RALYL: variants seen among roughly 807,000 people sequenced by gnomAD.
RALYL encodes the protein RALY RNA binding protein like.
RALYL carries 29 observed loss-of-function variants against 35.1 expected under a neutral mutation model. The ratio of observed to expected loss-of-function variants is 0.83; its 90% CI spans 0.61 to 1.13. RALYL has a LOEUF of 1.13. RALYL is among the 50% of genes most tolerant of loss of function. The probability of loss-of-function intolerance (pLI) is 0.00; values close to 1 mark genes in which losing one functional copy is unlikely to be tolerated. For synonymous variants in RALYL, 120 were observed against 127.6 expected (o/e 0.94, Z 0.40); for missense variants, 359 against 360.4 (o/e 1.00, Z 0.03).
intron 4 of RALYL, among the ~76,000 whole-genome samples, chr8:84,809,320 C>T (rs972369406): frequency 6.6e-6 from 1 of 152,078 alleles, no homozygotes; most frequent in Non-Finnish European, 1.5e-5. Context: ...CCCTGCATCC[C>T]TGGTATGAAA....
At chr8:84,915,609 T>C (rs1848344434) in intron 8 of RALYL, among the ~76,000 whole-genome samples, 1 of 152,090 alleles carries the variant, frequency 6.6e-6, no homozygotes, top group Non-Finnish European at 1.5e-5. Context: ...CACAGCTACA[T>C]ATTCATTGGC....
At chr8:84,516,687 C>G (rs1332608571) in intron 1 of RALYL, among the ~76,000 whole-genome samples, 1 of 152,050 alleles carries the variant, frequency 6.6e-6, no homozygotes. Context: ...GGTGAACATC[C>G]CTGGTTATCA....
intron 1 of RALYL, among the ~76,000 whole-genome samples, chr8:84,416,343 C>A (rs1485542212): frequency 6.6e-6 from 1 of 152,060 alleles, no homozygotes; most frequent in Non-Finnish European, 1.5e-5. Flanking sequence ...TGCAATAATC[C>A]AGGGATCTAA....
At chr8:84,212,569 A>G (rs1017071635) in intron 1 of RALYL, among the ~76,000 whole-genome samples, 11 of 152,180 alleles carry the variant, frequency 7.2e-5, no homozygotes, top group Non-Finnish European at 1.0e-4. Context: ...GCTTCATCTA[A>G]ATTTTGATGA....
chr8:84,684,225 A>G (rs1316018545), intron 2 of RALYL, among the ~76,000 whole-genome samples: 2 of 152,220 alleles, frequency 1.3e-5, no homozygotes, highest in Admixed American at 6.5e-5. Context: ...CTTCAACATT[A>G]TAAAATAATA....
chr8:84,318,162 G>A (rs1586234193), intron 1 of RALYL, among the ~76,000 whole-genome samples: 1 of 152,192 alleles, frequency 6.6e-6, no homozygotes, highest in South Asian at 2.1e-4. Flanking sequence ...GACGTATTAA[G>A]AACTTCAGCG....
At chr8:84,604,461 C>T (rs1816674764) in intron 2 of RALYL, among the ~76,000 whole-genome samples, 1 of 152,152 alleles carries the variant, frequency 6.6e-6, no homozygotes, top group Non-Finnish European at 1.5e-5. Context: ...GTACTGACAA[C>T]TGTCCCTAAC....
chr8:84,606,123 G>A (rs1817090389), intron 2 of RALYL, among the ~76,000 whole-genome samples: 2 of 152,012 alleles, frequency 1.3e-5, no homozygotes, highest in South Asian at 2.1e-4. Flanking sequence ...TATAATAACT[G>A]TACTTCTTTT....
At chr8:84,450,897 C>T (rs74703365) in intron 1 of RALYL, among the ~76,000 whole-genome samples, 8,191 of 151,866 alleles carry the variant, frequency 0.054, 276 homozygotes, top group East Asian at 0.14. Flanking sequence ...GATAATAAAT[C>T]TTTTCTTTTT....
In RALYL at chr8:84,247,652, A is replaced by G. The variant is rs991019799; in HGVS notation, c.-24+63228A>G. Among the ~76,000 whole-genome samples, 4 of 152,098 alleles carry G rather than the reference A, an allele frequency of 2.6e-5. No individual in the cohort carries two copies. In the East Asian group the frequency reaches 7.7e-4, roughly 29 times the overall value. ...AAATCTGTTTGGTTTAGTTTTGGTT[A>G]TTCTAAATTCTATTCTAAAAAGAAT... On this transcript the variant is annotated intron_variant, in intron 1 of 8. Coordinates refer to ENST00000521268, the MANE Select transcript of RALYL (RefSeq NM_173848.7).
intron 1 of RALYL, among the ~76,000 whole-genome samples, chr8:84,192,899 G>A (rs548003044): frequency 1.8e-4 from 23 of 126,242 alleles, no homozygotes; most frequent in Admixed American, 9.4e-4. Context: ...GTGTGTGTGT[G>A]TGTGTGTGGG....
intron 1 of RALYL, among the ~76,000 whole-genome samples, chr8:84,488,179 G>A (rs1345855708): frequency 6.6e-6 from 1 of 152,030 alleles, no homozygotes; most frequent in Non-Finnish European, 1.5e-5. Flanking sequence ...GGAAATGATT[G>A]TAACAAATAT....
intron 1 of RALYL, among the ~76,000 whole-genome samples, chr8:84,294,776 A>G (rs1018265367): frequency 6.6e-6 from 1 of 152,094 alleles, no homozygotes; most frequent in Non-Finnish European, 1.5e-5. Context: ...TAAAAAAAAA[A>G]AGAATCTGGG....
intron 2 of RALYL, among the ~76,000 whole-genome samples, chr8:84,628,490 C>T (rs1026818358): frequency 8.5e-5 from 13 of 152,202 alleles, no homozygotes; most frequent in African/African-American, 3.1e-4. Flanking sequence ...CTTACTTTTA[C>T]CTACTACATT....
rs148235355 is a variant in RALYL at position 84,822,948 on chromosome 8, G to A, written c.365+18146G>A. On this transcript the variant is annotated intron_variant, in intron 4 of 8. Transcript: ENST00000521268. ...TTATTCAGTGCAAAATTCCATTTACGTTATATTGGTAGATGCAAAGCAAGA... is the reference window on the plus strand; with the variant it reads ...TTATTCAGTGCAAAATTCCATTTACATTATATTGGTAGATGCAAAGCAAGA... Among the ~76,000 whole-genome samples, 297 of 152,088 alleles carry A rather than the reference G, an allele frequency of 2.0e-3. 4 individuals carry two copies. Among genetic ancestry groups the A allele is most frequent in the African/African-American group, 6.8e-3 (282 of 41,518 alleles).
intron 7 of RALYL, among the ~76,000 whole-genome samples, chr8:84,875,042 A>G (rs940577674): frequency 8.7e-6 from 1 of 114,902 alleles, no homozygotes; most frequent in African/African-American, 5.3e-5. Context: ...AAAGATTTCT[A>G]TTACAAATGT....
At chr8:84,628,213 T>C (rs192306962) in intron 2 of RALYL, among the ~76,000 whole-genome samples, 119 of 152,204 alleles carry the variant, frequency 7.8e-4, no homozygotes, top group African/African-American at 2.6e-3. Flanking sequence ...CACCAACATT[T>C]ATGCAACTTC....
At chr8:84,454,053 A>G (rs1430127043) in intron 1 of RALYL, among the ~76,000 whole-genome samples, 1 of 152,072 alleles carries the variant, frequency 6.6e-6, no homozygotes, top group African/African-American at 2.4e-5. Flanking sequence ...CCAGAATTCC[A>G]ATGTCAGAAG....
At chr8:84,702,308 A>G (rs1200068482) in intron 2 of RALYL, among the ~76,000 whole-genome samples, 2 of 152,128 alleles carry the variant, frequency 1.3e-5, no homozygotes, top group African/African-American at 4.8e-5. Flanking sequence ...TACCCAGTGC[A>G]TTGCCACTTA....
Sources: allele counts gnomAD v4.1 joint callset (sites outside exome capture counted in the v4.1 genomes callset), GRCh38; gene constraint gnomAD v4.1.1; transcripts MANE v1.5; gene names NCBI Gene and HGNC (gene_info 2026-07-23, HGNC 2026-07-21).